The following NTSR1 variants were observed in gnomAD, a reference collection of about 807,000 sequenced individuals.
NTSR1 encodes neurotensin receptor 1, also known as neurotensin receptor type 1.
Under a neutral mutation model 31.2 loss-of-function variants are expected in NTSR1, and 29 were observed. That is an observed-to-expected ratio of 0.93 (90% CI 0.69 to 1.27). The LOEUF is 1.27. Ranked by LOEUF, NTSR1 falls within the 50% of genes most tolerant of loss-of-function variation. NTSR1 has a pLI of 0.00. For synonymous variants in NTSR1, 282 were observed against 269.9 expected, an observed-to-expected ratio of 1.04 and a Z score of -0.44; for missense variants, 697 against 595.4, an observed-to-expected ratio of 1.17 and a Z score of -1.78.
chr20:62,760,038 A>G lies in NTSR1; in HGVS notation c.1028A>G (p.His343Arg). Residue 343 changes from histidine (H) to arginine (R), a missense_variant, in exon 4 of 4, where the codon CAC becomes CGC. Coordinates refer to ENST00000370501, the MANE Select transcript of NTSR1 (RefSeq NM_002531.3). ...CGCAGGTTCCTCTATGACTTCTACC[A>G]CTACTTCTACATGGTGACCAACGCA... is the stretch of plus-strand genomic sequence containing the variant. ...QWTPFLYDFY[H>R]YFYMVTNALF... 1.2e-6 allele frequency: 2 copies of G among 1,613,938 alleles called. No homozygotes were observed. Among genetic ancestry groups the G allele is most frequent in the Non-Finnish European group, 8.5e-7 (1 of 1,179,938 alleles).
intron 1 of NTSR1, among the ~76,000 whole-genome samples, chr20:62,734,092 C>T (rs987791175): frequency 6.6e-6 from 1 of 152,106 alleles, no homozygotes; most frequent in Non-Finnish European, 1.5e-5. Flanking sequence ...TGCCCGACCT[C>T]GAGTCTGCGC....
chr20:62,718,721 C>G (rs1274672312), intron 1 of NTSR1, among the ~76,000 whole-genome samples: 3 of 152,206 alleles, frequency 2.0e-5, no homozygotes, highest in Non-Finnish European at 4.4e-5. Context: ...ATTGTGCAGT[C>G]AGATCCATTC....
At chr20:62,731,352 G>C (rs189886915) in intron 1 of NTSR1, among the ~76,000 whole-genome samples, 1 of 152,128 alleles carries the variant, frequency 6.6e-6, no homozygotes, top group Non-Finnish European at 1.5e-5. Context: ...CAAAAGTGCT[G>C]GGATTACAAG....
intron 2 of NTSR1, 59 bp downstream of exon 2, chr20:62,754,945 G>T: frequency 6.8e-7 from 1 of 1,470,136 alleles, no homozygotes; most frequent in Non-Finnish European, 9.1e-7. Context: ...CAAAGGCAGC[G>T]AGCGCTGAAC....
At chr20:62,719,950 G>C (rs4809576) in intron 1 of NTSR1, among the ~76,000 whole-genome samples, 110,303 of 152,070 alleles carry the variant, frequency 0.73, 41,286 homozygotes, top group East Asian at 0.95. Context: ...TTGGTAGATT[G>C]TCCAGCAAAA....
At chr20:62,721,050 T>C (rs1050853185) in intron 1 of NTSR1, among the ~76,000 whole-genome samples, 3 of 152,246 alleles carry the variant, frequency 2.0e-5, no homozygotes, top group Admixed American at 2.0e-4. Flanking sequence ...TTTAGGATAA[T>C]GGTCTATTCT....
At chr20:62,737,012 C>T (rs1237608153) in intron 1 of NTSR1, among the ~76,000 whole-genome samples, 2 of 152,254 alleles carry the variant, frequency 1.3e-5, no homozygotes. Flanking sequence ...TTGTAGGTCT[C>T]CTGAGGCTCC....
chr20:62,734,822 G>C (rs763541492), intron 1 of NTSR1, among the ~76,000 whole-genome samples: 1 of 152,234 alleles, frequency 6.6e-6, no homozygotes, highest in Admixed American at 6.5e-5. Flanking sequence ...ATAAGATATC[G>C]TATTAAAATT....
At chr20:62,749,743 G>A (rs1300502438) in intron 1 of NTSR1, among the ~76,000 whole-genome samples, 2 of 152,164 alleles carry the variant, frequency 1.3e-5, no homozygotes, top group Admixed American at 1.3e-4. Context: ...ACCACAGTGA[G>A]CTATCACTGT....
In NTSR1 at chr20:62,743,161, C is replaced by T. The variant is rs947323075; in HGVS notation, c.715-11524C>T. Among the ~76,000 whole-genome samples, 8 of 149,398 alleles carry T rather than the reference C, an allele frequency of 5.4e-5. No individual in the cohort carries two copies. The highest frequency in any genetic ancestry group is 1.2e-4 in the Non-Finnish European group (8 of 68,012). ...GTATCCCGGCCATCTCAGGCCCACC[C>T]ATTGCCTCATTGCTCCCTGCCCCCG... is the stretch of plus-strand genomic sequence containing the variant. On this transcript the variant is annotated intron_variant, in intron 1 of 3. Transcript: ENST00000370501. This position sits in a 1 kb window ranked among gnomAD's most constrained non-coding sequence, Gnocchi z 7.5.
chr20:62,755,110 TTCCC>T (rs1989463028), intron 2 of NTSR1, among the ~76,000 whole-genome samples: 1 of 116,192 alleles, frequency 8.6e-6, no homozygotes, highest in African/African-American at 3.3e-5. Context: ...CCATCCATCC[TTCCC>T]TCCCTCCCTC....
intron 2 of NTSR1, 25 bp downstream of exon 2, chr20:62,754,911 G>A (rs1351374722): frequency 1.3e-6 from 2 of 1,562,866 alleles, no homozygotes; most frequent in Non-Finnish European, 1.7e-6. Flanking sequence ...GGCCCTCCAG[G>A]GGCGGGAGGC....
chr20:62,709,354 A>G lies in NTSR1; in HGVS notation c.147A>G (p.Ala49=). Residue 49 remains alanine, a synonymous_variant, in exon 1 of 4, where the codon GCA becomes GCG. Transcript: ENST00000370501. The part of the protein sequence containing the change: ...SGNASERVLA[A]PSSELDVNTD... ...ACGCGTCGGAGCGCGTCCTGGCGGC[A>G]CCCAGCAGCGAGCTGGACGTGAACA... 1.2e-6 allele frequency: 2 copies of G among 1,610,110 alleles called. No individual in the cohort carries two copies. Among genetic ancestry groups the G allele is most frequent in the Non-Finnish European group, 8.5e-7 (1 of 1,178,442 alleles).
At chr20:62,728,519 T>C (rs999791143) in intron 1 of NTSR1, among the ~76,000 whole-genome samples, 1 of 152,188 alleles carries the variant, frequency 6.6e-6, no homozygotes, top group African/African-American at 2.4e-5. Context: ...TGGCAGAAGT[T>C]CATTTCTTAA....
chr20:62,717,092 G>T (rs1313748864), intron 1 of NTSR1, among the ~76,000 whole-genome samples: 8 of 152,242 alleles, frequency 5.3e-5, no homozygotes. Context: ...GCGGGGCAAG[G>T]CGCCTGCCCC....
rs1385895393 is a variant in NTSR1, at chr20:62,714,774, C to T, written c.714+4853C>T. Among the ~76,000 whole-genome samples, 1 of 152,178 alleles carries T rather than the reference C, an allele frequency of 6.6e-6. No individual in the cohort carries two copies. Among genetic ancestry groups the T allele is most frequent in the Non-Finnish European group, 1.5e-5 (1 of 68,042 alleles). ...ACAGTGAGGGAATCGGAGACGGTGGCCTGGTTTCTTAGCAAAGACTCGGAC... is the reference window on the plus strand; with the variant it reads ...ACAGTGAGGGAATCGGAGACGGTGGTCTGGTTTCTTAGCAAAGACTCGGAC... On this transcript the variant is annotated intron_variant, in intron 1 of 3. Transcript: ENST00000370501. This position sits in a 1 kb window ranked among gnomAD's most constrained non-coding sequence, Gnocchi z 4.1.
At chr20:62,748,618 T>C (rs1189382372) in intron 1 of NTSR1, among the ~76,000 whole-genome samples, 1 of 152,150 alleles carries the variant, frequency 6.6e-6, no homozygotes. Flanking sequence ...ATAAACCCAC[T>C]TTCGTACAGT....
rs1989562324 is a variant in NTSR1, at chr20:62,758,907, C to T, written c.1007+551C>T. ...GGAGCCTCACAGGACGATATGGGGG[C>T]CGATCACAGGGGCACCCACTGCCTG... On this transcript the variant is annotated intron_variant, in intron 3 of 3. Transcript: ENST00000370501. The surrounding 1 kb of genome is among the most constrained non-coding windows in gnomAD (Gnocchi z 4.5). 1.3e-5 allele frequency among the ~76,000 whole-genome samples: 2 copies of T among 152,168 alleles called. No homozygotes were observed. Among genetic ancestry groups the T allele is most frequent in the Non-Finnish European group, 2.9e-5 (2 of 68,016 alleles).
intron 1 of NTSR1, among the ~76,000 whole-genome samples, chr20:62,717,461 G>C (rs771346924): frequency 6.6e-6 from 1 of 152,196 alleles, no homozygotes; most frequent in Non-Finnish European, 1.5e-5. Flanking sequence ...TTCACCACTG[G>C]CCAGCAGCAC....
Sources: allele counts gnomAD v4.1 joint callset (sites outside exome capture counted in the v4.1 genomes callset), GRCh38; gene constraint gnomAD v4.1.1; non-coding constraint Gnocchi (gnomAD v3.1); transcripts MANE v1.5; gene names NCBI Gene and HGNC (gene_info 2026-07-23, HGNC 2026-07-21).